Variants in PPM1B observed in about 807,000 individuals in gnomAD.
The protein encoded by PPM1B is protein phosphatase 1B.
Under a neutral mutation model 43.0 loss-of-function variants are expected in PPM1B, and 22 were observed. That is an observed-to-expected ratio of 0.51 (90% CI 0.37 to 0.73). The LOEUF (loss-of-function observed/expected upper bound fraction) is 0.73. Ranked by LOEUF, PPM1B falls within the 30% of genes least tolerant of loss-of-function variation. The probability of loss-of-function intolerance (pLI) is 0.00; values close to 1 mark genes in which losing one functional copy is unlikely to be tolerated. For missense variants in PPM1B, 632 were observed against 584.2 expected, an observed-to-expected ratio of 1.08 and a Z score of -0.84; for synonymous variants, 217 against 197.9, an observed-to-expected ratio of 1.10 and a Z score of -0.81.
At chr2:44,200,649 A>G (rs1668889049) in intron 1 of PPM1B, among the ~76,000 whole-genome samples, 1 of 152,188 alleles carries the variant, frequency 6.6e-6, no homozygotes, top group South Asian at 2.1e-4. Context: ...GGTTGTCTTT[A>G]GGTTCACTGG....
chr2:44,230,511 G>A lies in PPM1B; in HGVS notation c.1233G>A (p.Leu411=). ...INHRGNYRQL[L]EEMLTSYRLA... Reference sequence around the variant, plus strand: ...ATAGGGGAAACTACCGACAACTTCTGGAGGAGATGCTGACTAGTTACAGGC... The same window carrying A: ...ATAGGGGAAACTACCGACAACTTCTAGAGGAGATGCTGACTAGTTACAGGC... The change falls in exon 6 of 6, where the codon CTG becomes CTA. Residue 411 remains leucine (L), a synonymous_variant. Transcript: ENST00000282412. The A allele has an allele frequency of 6.2e-7, 1 of 1,614,128 alleles. No individual in the cohort carries two copies. The highest frequency in any genetic ancestry group is 8.5e-7 in the Non-Finnish European group (1 of 1,179,998).
intron 1 of PPM1B, among the ~76,000 whole-genome samples, chr2:44,188,442 C>G (rs1668235253): frequency 7.5e-6 from 1 of 133,034 alleles, no homozygotes; most frequent in African/African-American, 2.9e-5. Context: ...GTTGCTCAGG[C>G]TGGAATACAA....
At chr2:44,214,604 G>A (rs184961234) in intron 3 of PPM1B, among the ~76,000 whole-genome samples, 1 of 152,154 alleles carries the variant, frequency 6.6e-6, no homozygotes, top group African/African-American at 2.4e-5. Flanking sequence ...GAGTGTCAGT[G>A]GATGGAAAAT....
downstream of PPM1B, chr2:44,232,545 T>C: frequency 2.1e-6 from 3 of 1,415,944 alleles, no homozygotes; most frequent in Non-Finnish European, 2.8e-6. Flanking sequence ...TTGCCTGTAC[T>C]ACAGTATTTT....
At position 44,241,012 on chromosome 2, in the gene PPM1B, T is replaced by TA. The variant is rs1670733076; in HGVS notation, n.1547-3216_1547-3215insA. On this transcript the variant is annotated intron_variant and non_coding_transcript_variant, in intron 5 of 5. Coordinates refer to the PPM1B transcript ENST00000378540. ...GGGAAGCATCTTTATTTTTATTTTT[T>TA]TTTTTTTTGAGACGGAGTTTCACTC... is the stretch of plus-strand genomic sequence containing the variant. Among the ~76,000 whole-genome samples, 2 of 144,296 alleles carry TA rather than the reference T, an allele frequency of 1.4e-5. 1 individual carries two copies. The highest frequency in any genetic ancestry group is 3.1e-5 in the Non-Finnish European group (2 of 64,678). 94.7% of individuals were successfully genotyped at this position (144,296 alleles called of 152,430 possible).
At chr2:44,187,130 CT>C (rs1206003858) in intron 1 of PPM1B, among the ~76,000 whole-genome samples, 25 of 152,150 alleles carry the variant, frequency 1.6e-4, no homozygotes, top group Admixed American at 6.5e-4. Flanking sequence ...ACTCTGCTTT[CT>C]TTTTCTATGA....
intron 2 of PPM1B, among the ~76,000 whole-genome samples, chr2:44,208,569 C>T (rs769549513): frequency 1.5e-4 from 23 of 152,024 alleles, no homozygotes; most frequent in Non-Finnish European, 3.1e-4. Flanking sequence ...AAAAATTAGC[C>T]GGGCCTGGTG....
At chr2:44,195,859 G>A (rs902013197) in intron 1 of PPM1B, among the ~76,000 whole-genome samples, 1 of 152,132 alleles carries the variant, frequency 6.6e-6, no homozygotes, top group Non-Finnish European at 1.5e-5. Flanking sequence ...GGGAAACCAG[G>A]TGACATGTAA....
At position 44,193,885 on chromosome 2, in the gene PPM1B, A is replaced by T. The variant is rs554535931; in HGVS notation, c.-14-7301A>T. On this transcript the variant is annotated intron_variant, in intron 1 of 5. Transcript: ENST00000282412. ...TGAGCCACTGTGCCCAGCATAAAAA[A>T]TTTTTTTTTATAGAGACAGAGTCTC... Among the ~76,000 whole-genome samples, 567 of 150,906 alleles carry T rather than the reference A, an allele frequency of 3.8e-3. 3 individuals are homozygous for T. The highest frequency in any genetic ancestry group is 0.013 in the African/African-American group (548 of 41,118).
intron 1 of PPM1B, among the ~76,000 whole-genome samples, chr2:44,187,136 CTATGAATTTGACTGTTTTAGA>C (rs1244218228): frequency 1.6e-4 from 25 of 152,170 alleles, no homozygotes; most frequent in Admixed American, 6.5e-4. Context: ...CTTTCTTTTT[CTATGAATTTGACTGTTTTAGA>C]TACCCCATGT....
At chr2:44,176,771 A>G (rs1478170707) in intron 1 of PPM1B, among the ~76,000 whole-genome samples, 17 of 152,180 alleles carry the variant, frequency 1.1e-4, no homozygotes, top group Non-Finnish European at 2.5e-4. Context: ...TTTGATCTTC[A>G]TTGCTAAAGT....
chr2:44,217,338 G>T (rs1444291568), intron 3 of PPM1B, among the ~76,000 whole-genome samples: 2 of 151,228 alleles, frequency 1.3e-5, no homozygotes, highest in Non-Finnish European at 2.9e-5. Flanking sequence ...GGCAGAGGTT[G>T]CAGTGAGCCA....
At chr2:44,234,583 T>C, downstream of PPM1B, 1 of 985,092 alleles carries the variant, frequency 1.0e-6, no homozygotes, top group South Asian at 4.7e-5. Context: ...TACTGGTGCT[T>C]GAAACAGAAA....
chr2:44,185,454 G>T lies in PPM1B; in HGVS notation c.-14-15732G>T, dbSNP rs188973854. ...ATTTTTTTTCTCAGATTAAATTTGC[G>T]ACTAAAGCAAAATACCACTGTCAAC... is the stretch of plus-strand genomic sequence containing the variant. On this transcript the variant is annotated intron_variant, in intron 1 of 5. Coordinates refer to ENST00000282412, the MANE Select transcript of PPM1B (RefSeq NM_002706.6). Among the ~76,000 whole-genome samples, 22 of 152,092 alleles carry T rather than the reference G, an allele frequency of 1.4e-4. No individual in the cohort carries two copies. The East Asian group carries it at 3.9e-3, about 27-fold the overall frequency.
rs772994542 is a variant in PPM1B, at chr2:44,230,500, C to A, written c.1222C>A (p.Arg408=). Residue 408 remains arginine (R), a synonymous_variant, in exon 6 of 6, where the codon CGA becomes AGA. Transcript: ENST00000282412. The stretch of plus-strand genomic sequence containing the variant: ...GAGAATTAATCATAGGGGAAACTAC[C>A]GACAACTTCTGGAGGAGATGCTGAC... ...QMRINHRGNY[R]QLLEEMLTSY... is the part of the protein sequence containing the mutation. The A allele has an allele frequency of 2.5e-6, 4 of 1,613,888 alleles. No homozygotes were observed. Among genetic ancestry groups the A allele is most frequent in the African/African-American group, 2.7e-5 (2 of 74,868 alleles).
intron 1 of PPM1B, among the ~76,000 whole-genome samples, chr2:44,179,470 G>C (rs1667753974): frequency 6.6e-6 from 1 of 152,052 alleles, no homozygotes; most frequent in Non-Finnish European, 1.5e-5. Flanking sequence ...GTCTGTGTTT[G>C]ATATTGAGAG....
At chr2:44,190,020 T>A (rs1396128585) in intron 1 of PPM1B, among the ~76,000 whole-genome samples, 2 of 152,236 alleles carry the variant, frequency 1.3e-5, no homozygotes, top group Non-Finnish European at 2.9e-5. Flanking sequence ...ATCGTGTGAA[T>A]GTGAATGTTT....
chr2:44,223,817 A>T (rs1572749541), intron 5 of PPM1B, among the ~76,000 whole-genome samples: 4 of 25,890 alleles, frequency 1.5e-4, no homozygotes, highest in Admixed American at 1.0e-3. Context: ...CTCTGTCTAA[A>T]AAAAAAAAAA....
intron 1 of PPM1B, among the ~76,000 whole-genome samples, chr2:44,178,559 C>G (rs769784663): frequency 4.0e-5 from 6 of 151,424 alleles, no homozygotes; most frequent in Non-Finnish European, 5.9e-5. Context: ...CCTCCACTTC[C>G]TGGGTTCAAG....
Sources: gnomAD v4.1 joint callset for allele counts (sites outside exome capture counted in the v4.1 genomes callset) on GRCh38, gnomAD v4.1.1 for gene constraint, MANE v1.5 for transcripts, NCBI Gene and HGNC (gene_info 2026-07-23, HGNC 2026-07-21) for gene names.